SLC41A2: variants seen among roughly 807,000 people sequenced by gnomAD.
SLC41A2 encodes SLC41A1-like 1.
Under a neutral mutation model 58.3 loss-of-function variants are expected in SLC41A2, and 32 were observed. The observed-to-expected ratio is 0.55, with a 90% CI of 0.41 to 0.74. The LOEUF (loss-of-function observed/expected upper bound fraction) is 0.74. Among genes scored for constraint, SLC41A2 ranks in the 30% least tolerant of loss-of-function variants. The pLI, the probability that SLC41A2 is intolerant of heterozygous loss-of-function variation, is 0.00. For missense variants in SLC41A2, 514 were observed against 680.6 expected, an observed-to-expected ratio of 0.76 and a Z score of 2.72; for synonymous variants, 190 against 235.0, an observed-to-expected ratio of 0.81 and a Z score of 1.75.
At chr12:104,918,928 T>A (rs962328268) in intron 2 of SLC41A2, among the ~76,000 whole-genome samples, 1 of 152,164 alleles carries the variant, frequency 6.6e-6, no homozygotes, top group African/African-American at 2.4e-5. Flanking sequence ...GATATTGGCA[T>A]TGATACAGTC....
chr12:104,805,959 T>G (rs925095098), intron 10 of SLC41A2, among the ~76,000 whole-genome samples: 1 of 152,206 alleles, frequency 6.6e-6, no homozygotes. Flanking sequence ...TTCTAGAATA[T>G]CAGGAATATA....
At chr12:104,930,849 T>C (rs1389743772) in intron 1 of SLC41A2, among the ~76,000 whole-genome samples, 3 of 152,242 alleles carry the variant, frequency 2.0e-5, no homozygotes, top group Non-Finnish European at 4.4e-5. Flanking sequence ...TCTCGCAGAA[T>C]ATGTGCAGAA....
intron 2 of SLC41A2, among the ~76,000 whole-genome samples, chr12:104,916,098 C>G (rs2046307315): frequency 6.6e-6 from 1 of 152,124 alleles, no homozygotes; most frequent in Admixed American, 6.6e-5. Context: ...ATTGAATCAG[C>G]CTTGCATCCC....
At chr12:104,925,200 T>C (rs898915164) in intron 2 of SLC41A2, among the ~76,000 whole-genome samples, 6 of 152,242 alleles carry the variant, frequency 3.9e-5, no homozygotes, top group African/African-American at 1.4e-4. Flanking sequence ...TTATTTTATA[T>C]ACTCTAGATG....
At chr12:104,908,386 G>C (rs1344103721) in intron 3 of SLC41A2, among the ~76,000 whole-genome samples, 2 of 152,240 alleles carry the variant, frequency 1.3e-5, no homozygotes, top group African/African-American at 2.4e-5. Context: ...GGTGGAAAAG[G>C]GGGAGAGGAG....
At chr12:104,914,405 T>C (rs2046222260) in intron 2 of SLC41A2, among the ~76,000 whole-genome samples, 2 of 152,238 alleles carry the variant, frequency 1.3e-5, no homozygotes, top group African/African-American at 4.8e-5. Flanking sequence ...AACTATCACC[T>C]TCATTTCCTG....
intron 1 of SLC41A2, among the ~76,000 whole-genome samples, chr12:104,938,122 A>C (rs2135932721): frequency 6.6e-6 from 1 of 152,318 alleles, no homozygotes; most frequent in East Asian, 1.9e-4. Flanking sequence ...AAAAAATGGA[A>C]TTAATCCATG....
At chr12:104,805,771 C>G (rs892109091) in intron 10 of SLC41A2, among the ~76,000 whole-genome samples, 31 of 152,194 alleles carry the variant, frequency 2.0e-4, no homozygotes, top group African/African-American at 6.7e-4. Context: ...CATTCGTTTA[C>G]TAATTATAAG....
intron 5 of SLC41A2, among the ~76,000 whole-genome samples, chr12:104,887,493 C>A (rs142072169): frequency 3.2e-4 from 49 of 151,804 alleles, no homozygotes; most frequent in African/African-American, 1.2e-3. Context: ...TTTTAGTATT[C>A]TGGAGGCTTT....
intron 6 of SLC41A2, among the ~76,000 whole-genome samples, chr12:104,877,544 A>T (rs2044109555): frequency 6.6e-6 from 1 of 152,204 alleles, no homozygotes; most frequent in Admixed American, 6.5e-5. Flanking sequence ...CAAAATCATG[A>T]TCTGTGATAG....
intron 7 of SLC41A2, among the ~76,000 whole-genome samples, chr12:104,864,717 T>C (rs929078775): frequency 1.3e-5 from 2 of 152,320 alleles, no homozygotes; most frequent in Non-Finnish European, 2.9e-5. Flanking sequence ...CCAACTCTTC[T>C]ACATAATTTA....
At chr12:104,833,093 C>A (rs2042093989) in intron 10 of SLC41A2, among the ~76,000 whole-genome samples, 1 of 152,184 alleles carries the variant, frequency 6.6e-6, no homozygotes, top group East Asian at 1.9e-4. Context: ...TTAATTATTT[C>A]TCCTGAGTGA....
chr12:104,883,881 G>T (rs2044515559), intron 6 of SLC41A2, among the ~76,000 whole-genome samples: 1 of 152,364 alleles, frequency 6.6e-6, no homozygotes, highest in South Asian at 2.1e-4. Context: ...AAAGCTGTCA[G>T]ACAGGGACGT....
At chr12:104,937,829 A>G (rs1021381870) in intron 1 of SLC41A2, among the ~76,000 whole-genome samples, 3 of 152,194 alleles carry the variant, frequency 2.0e-5, no homozygotes, top group African/African-American at 7.2e-5. Flanking sequence ...TTACTTTGAG[A>G]AGCACCTCCC....
Position 104,853,919 on chromosome 12 carries a change from T to A in SLC41A2, c.1255+7372A>T, listed in dbSNP as rs1178910518. Among the ~76,000 whole-genome samples the A allele has an allele frequency of 8.1e-4, 102 of 125,800 alleles. 1 individual carries two copies. Among genetic ancestry groups the A allele is most frequent in the Non-Finnish European group, 1.0e-3 (60 of 57,444 alleles). 82.5% of individuals were successfully genotyped at this position (125,800 alleles called of 152,430 possible). On this transcript the variant is annotated intron_variant, in intron 8 of 10. Transcript: ENST00000258538. ...GTCACCATGCCTGGCTGATTTTTTT[T>A]TTTTTTTTTTTTTTTTTTTTAGTAG...
chr12:104,861,101 A>C (rs1194643924), intron 8 of SLC41A2, among the ~76,000 whole-genome samples, 190 bp downstream of exon 8: 3 of 152,188 alleles, frequency 2.0e-5, no homozygotes, highest in African/African-American at 7.2e-5. Flanking sequence ...TACTTTTCAG[A>C]AATGTATTCT....
chr12:104,886,556 A>G (rs1593073229), intron 5 of SLC41A2, 117 bp from the exon 6 acceptor site: 2 of 1,045,198 alleles, frequency 1.9e-6, no homozygotes, highest in East Asian at 4.9e-5. Flanking sequence ...GACTGCTTAG[A>G]TAAGCTGACT....
chr12:104,873,594 G>A (rs990137255), intron 6 of SLC41A2, among the ~76,000 whole-genome samples: 3 of 152,028 alleles, frequency 2.0e-5, no homozygotes, highest in Admixed American at 2.0e-4. Context: ...ATTTTTTGAG[G>A]AACCTCCATA....
At chr12:104,894,510 G>A (rs1179655035) in intron 4 of SLC41A2, among the ~76,000 whole-genome samples, 1 of 152,142 alleles carries the variant, frequency 6.6e-6, no homozygotes, top group East Asian at 1.9e-4. Flanking sequence ...TTCTACATCT[G>A]TGATCTTACA....
Sources: gnomAD v4.1 joint callset for allele counts (sites outside exome capture counted in the v4.1 genomes callset) on GRCh38, gnomAD v4.1.1 for gene constraint, MANE v1.5 for transcripts, NCBI Gene and HGNC (gene_info 2026-07-23, HGNC 2026-07-21) for gene names.